The following SIM1 variants were observed in gnomAD, a reference collection of about 807,000 sequenced individuals.
SIM1 encodes the protein single-minded homolog 1.
In SIM1, 18 loss-of-function variants were observed where a neutral mutation model predicts 78.2. The ratio of observed to expected loss-of-function variants is 0.23; its 90% CI spans 0.16 to 0.34. The LOEUF (loss-of-function observed/expected upper bound fraction) is 0.34. Among genes scored for constraint, SIM1 ranks in the 10% least tolerant of loss-of-function variants. The pLI is 1.00. For synonymous variants in SIM1, 417 were observed against 385.2 expected, an observed-to-expected ratio of 1.08 and a Z score of -0.97; for missense variants, 939 against 975.1, an observed-to-expected ratio of 0.96 and a Z score of 0.49.
chr6:100,412,751 G>A (rs150783519), intron 10 of SIM1, among the ~76,000 whole-genome samples: 3,660 of 138,356 alleles, frequency 0.026, 111 homozygotes, highest in Middle Eastern at 0.038. Flanking sequence ...AAGAAAGAAA[G>A]AAAAAAGAAA....
chr6:100,430,982 A>G (rs3798497), intron 9 of SIM1, among the ~76,000 whole-genome samples: 44,701 of 151,966 alleles, frequency 0.29, 7,706 homozygotes, highest in African/African-American at 0.46. Context: ...AGAGTCCCCA[A>G]ATTCCCCACA....
At chr6:100,417,248 A>G (rs1771427481) in intron 10 of SIM1, among the ~76,000 whole-genome samples, 1 of 152,224 alleles carries the variant, frequency 6.6e-6, no homozygotes, top group African/African-American at 2.4e-5. Context: ...CAGCTAGGCC[A>G]GAGTCCATAT....
intron 9 of SIM1, among the ~76,000 whole-genome samples, chr6:100,440,348 C>A (rs1772176101): frequency 6.6e-6 from 1 of 152,192 alleles, no homozygotes; most frequent in Non-Finnish European, 1.5e-5. Flanking sequence ...AAAGCCCATG[C>A]CTTTGTTTCA....
At chr6:100,450,470 G>T in intron 3 of SIM1, 114 bp from the exon 4 acceptor site, 1 of 833,188 alleles carries the variant, frequency 1.2e-6, no homozygotes, top group Non-Finnish European at 2.0e-6. Context: ...ATGGAGTGGA[G>T]CAGGTTTGGC....
At chr6:100,440,949 A>G (rs1284163336) in intron 9 of SIM1, among the ~76,000 whole-genome samples, 1 of 152,066 alleles carries the variant, frequency 6.6e-6, no homozygotes, top group Non-Finnish European at 1.5e-5. Flanking sequence ...TCTGGAGTTC[A>G]AGTAAAGCCT....
intron 10 of SIM1, chr6:100,395,976 A>G: frequency 2.6e-6 from 1 of 387,238 alleles, no homozygotes; most frequent in African/African-American, 2.2e-5. Context: ...TTCCATCAAG[A>G]AAAAAAATTA....
chr6:100,435,420 C>T (rs891765829), intron 9 of SIM1, among the ~76,000 whole-genome samples: 2 of 152,120 alleles, frequency 1.3e-5, no homozygotes, highest in Non-Finnish European at 2.9e-5. Context: ...TTGGTATGCT[C>T]GCTGGACCAC....
At position 100,387,734 on chromosome 6, in the gene SIM1, G is replaced by A. The variant is rs1156308389; in HGVS notation, c.*2627C>T. On this transcript the variant is annotated 3_prime_UTR_variant, in exon 12 of 12. Transcript: ENST00000369208. ...AAAATATTGGTCATGTCATTTTAAA[G>A]AGCATTATTCCTTCTGATTACTCTC... The A allele has an allele frequency of 6.6e-6, 1 of 152,014 alleles. No homozygotes were observed. Among genetic ancestry groups the A allele is most frequent in the Non-Finnish European group, 1.5e-5 (1 of 67,946 alleles). 9.4% of individuals were successfully genotyped at this position (152,014 alleles called of 1,614,324 possible).
chr6:100,427,041 G>C (rs577048822), intron 9 of SIM1: 5 of 152,210 alleles, frequency 3.3e-5, no homozygotes, highest in Non-Finnish European at 7.3e-5. Flanking sequence ...GAATGACTGC[G>C]CCTTACAGTA....
intron 10 of SIM1, among the ~76,000 whole-genome samples, chr6:100,395,672 C>G (rs960666342): frequency 2.6e-5 from 4 of 152,138 alleles, no homozygotes; most frequent in African/African-American, 7.2e-5. Context: ...GTTCCCTTGT[C>G]GCCCATGATG....
intron 3 of SIM1, among the ~76,000 whole-genome samples, chr6:100,452,751 A>C (rs1772547454): frequency 1.3e-5 from 2 of 152,232 alleles, no homozygotes; most frequent in Non-Finnish European, 2.9e-5. Flanking sequence ...GATGTCTTAG[A>C]GTTAAGTGCC....
intron 4 of SIM1, 73 bp downstream of exon 4, chr6:100,450,194 A>T: frequency 1.5e-6 from 2 of 1,311,070 alleles, no homozygotes; most frequent in Non-Finnish European, 2.2e-6. Flanking sequence ...CCAGCCCCCA[A>T]CCCAGCCCCC....
chr6:100,452,033 G>A (rs1772524303), intron 3 of SIM1, among the ~76,000 whole-genome samples: 1 of 152,154 alleles, frequency 6.6e-6, no homozygotes, highest in Non-Finnish European at 1.5e-5. Flanking sequence ...AGGAGAAACA[G>A]AGCTGAAACC....
chr6:100,390,204 C>T lies in SIM1; in HGVS notation c.*157G>A. 3 of 770,224 alleles carry T rather than the reference C, an allele frequency of 3.9e-6. No homozygotes were observed. The highest frequency in any genetic ancestry group is 2.0e-6 in the Non-Finnish European group (1 of 489,268). 47.7% of individuals were successfully genotyped at this position (770,224 alleles called of 1,614,324 possible). A position where few individuals can be genotyped will look rare whatever the true frequency, so the allele number is the denominator to read the frequency against. ...CTGTGTATAACCCTGAATGCTAGTG[C>T]TATGTTTTCTTTGATTTTATAGGAA... On this transcript the variant is annotated 3_prime_UTR_variant, in exon 12 of 12. Coordinates refer to ENST00000369208, the MANE Select transcript of SIM1 (RefSeq NM_005068.3).
intron 10 of SIM1, among the ~76,000 whole-genome samples, chr6:100,398,123 A>G (rs1770813645): frequency 1.3e-5 from 2 of 152,148 alleles, no homozygotes; most frequent in Admixed American, 1.3e-4. Context: ...TAAAAACTAA[A>G]TGTGCAATTA....
chr6:100,412,118 G>A (rs1394511176), intron 10 of SIM1, among the ~76,000 whole-genome samples: 1 of 152,244 alleles, frequency 6.6e-6, no homozygotes, highest in African/African-American at 2.4e-5. Context: ...AGACATGGCA[G>A]ACTGGGGAGG....
At chr6:100,429,828 T>C (rs966396389) in intron 9 of SIM1, among the ~76,000 whole-genome samples, 2 of 152,340 alleles carry the variant, frequency 1.3e-5, no homozygotes, top group Non-Finnish European at 1.5e-5. Context: ...CTTCTTTCTG[T>C]ATATTAAATT....
At position 100,390,399 on chromosome 6, in the gene SIM1, G is replaced by C; in HGVS notation, c.2263C>G (p.His755Asp). The C allele has an allele frequency of 6.2e-7, 1 of 1,614,078 alleles. No homozygotes were observed. Among genetic ancestry groups the C allele is most frequent in the East Asian group, 2.2e-5 (1 of 44,890 alleles). ...GTTATTATAACAGATGTTCCCTTGT[G>C]TCCTTGTGCTGGGTCTGGTTGCATC... ...LRMQPDPAQG[H>D]KGTSVIITNG... Residue 755 changes from histidine (H) to aspartate (D), a missense_variant, in exon 12 of 12, where the codon CAC becomes GAC. This residue lies in a region of SIM1 where 556 missense variants were observed against 521.9 expected (regional missense o/e 1.07). Transcript: ENST00000369208.
At position 100,401,245 on chromosome 6, in the gene SIM1, T is replaced by C. The variant is rs1379901021; in HGVS notation, c.1168-7356A>G. The stretch of plus-strand genomic sequence containing the variant: ...GGGCTGTGTTCTTCAAAAATGCCAA[T>C]AATATGAAAGAAAAGGCCAGGCTAA... On this transcript the variant is annotated intron_variant, in intron 10 of 11. Coordinates refer to ENST00000369208, the MANE Select transcript of SIM1 (RefSeq NM_005068.3). Among the ~76,000 whole-genome samples the C allele has an allele frequency of 2.0e-5, 3 of 151,914 alleles. No individual in the cohort carries two copies. In the East Asian group the frequency reaches 5.8e-4, roughly 29 times the overall value.
Sources: allele counts gnomAD v4.1 joint callset (sites outside exome capture counted in the v4.1 genomes callset), GRCh38; gene constraint gnomAD v4.1.1; regional missense constraint gnomAD v4.1.1; transcripts MANE v1.5; gene names NCBI Gene and HGNC (gene_info 2026-07-23, HGNC 2026-07-21).